NCAPG: variants seen among roughly 807,000 people sequenced by gnomAD.
NCAPG encodes condensin complex subunit 3.
A neutral mutation model predicts 113.1 loss-of-function variants in NCAPG; 69 were observed. The ratio of observed to expected loss-of-function variants is 0.61; its 90% CI spans 0.50 to 0.75. The LOEUF (loss-of-function observed/expected upper bound fraction) is 0.75, where lower values mean the gene tolerates loss of function less well. Ranked by LOEUF, NCAPG falls within the 30% of genes least tolerant of loss-of-function variation. NCAPG has a pLI of 0.00. For missense variants in NCAPG, 1,058 were observed against 1,177.0 expected (o/e 0.90, Z 1.48); for synonymous variants, 370 against 415.8 (o/e 0.89, Z 1.34).
chr4:17,826,328 C>T (rs888055727), intron 11 of NCAPG, among the ~76,000 whole-genome samples: 1 of 152,004 alleles, frequency 6.6e-6, no homozygotes, highest in Non-Finnish European at 1.5e-5. Flanking sequence ...TGATTATTCT[C>T]ATAAAAAGAA....
chr4:17,813,469 T>TAA (rs1380633452), intron 3 of NCAPG: 3 of 172,660 alleles, frequency 1.7e-5, no homozygotes, highest in Non-Finnish European at 3.7e-5. Context: ...TCATTTTGTG[T>TAA]AAATCATGCT....
At chr4:17,815,480 A>G in intron 5 of NCAPG, 122 bp downstream of exon 5, 1 of 649,936 alleles carries the variant, frequency 1.5e-6, no homozygotes, top group Non-Finnish European at 2.6e-6. Context: ...AACCTGGTGA[A>G]ATTTATCTTG....
chr4:17,823,842 T>C (rs552356307), intron 9 of NCAPG, 72 bp downstream of exon 9: 2 of 1,304,526 alleles, frequency 1.5e-6, no homozygotes, highest in East Asian at 2.4e-5. Context: ...ATTTTCTGTT[T>C]AGAACTTTTT....
chr4:17,842,289 A>G, intron 19 of NCAPG, 21 bp from the exon 20 acceptor site: 1 of 1,605,916 alleles, frequency 6.2e-7, no homozygotes, highest in Non-Finnish European at 8.5e-7. Context: ...AATCCTGATA[A>G]TGAATTATAC....
At chr4:17,825,922 G>A (rs937388648) in intron 11 of NCAPG, among the ~76,000 whole-genome samples, 2 of 151,982 alleles carry the variant, frequency 1.3e-5, no homozygotes, top group African/African-American at 4.8e-5. Context: ...ATTTGTGGAG[G>A]ATCAATGACC....
chr4:17,837,279 G>C lies in NCAPG; in HGVS notation c.2230G>C (p.Glu744Gln). ...ILLWYNPVTEEDVQLRHCLGV... is the reference protein window; with the variant it reads ...ILLWYNPVTEQDVQLRHCLGV... ...GTTATGGTACAATCCTGTGACTGAA[G>C]AGGATGTTCAACTTCGACATTGCCT... Residue 744 changes from glutamate to glutamine, a missense_variant, in exon 15 of 21, where the codon GAG (glutamate) becomes CAG (glutamine). Coordinates refer to ENST00000251496, the MANE Select transcript of NCAPG (RefSeq NM_022346.5). The C allele has an allele frequency of 6.2e-7, 1 of 1,613,998 alleles. No homozygotes were observed. Among genetic ancestry groups the C allele is most frequent in the South Asian group, 1.1e-5 (1 of 91,072 alleles).
chr4:17,840,710 C>CCAT lies in NCAPG; in HGVS notation c.2854+19_2854+21dup, dbSNP rs1315232168. 1.4e-6 allele frequency: 2 copies of CCAT among 1,435,460 alleles called. No individual in the cohort carries two copies. Among genetic ancestry groups the CCAT allele is most frequent in the East Asian group, 2.5e-5 (1 of 39,262 alleles). The allele number at this position is 1,435,460 out of a possible 1,614,324, so 88.9% of individuals were successfully genotyped here. ...CTAACAGAGGTAGTGTGTGGATTGACCATCTTTATGATAAAAGTTTTAAAT... is the reference window on the plus strand; with the variant it reads ...CTAACAGAGGTAGTGTGTGGATTGACCATCATCTTTATGATAAAAGTTTTAAAT... On this transcript the variant is annotated intron_variant, in intron 19 of 20. Coordinates refer to ENST00000251496, the MANE Select transcript of NCAPG (RefSeq NM_022346.5).
At chr4:17,813,297 C>T (rs1238966119) in intron 3 of NCAPG, 152 bp downstream of exon 3, 3 of 555,472 alleles carry the variant, frequency 5.4e-6, no homozygotes, top group Non-Finnish European at 8.9e-6. Context: ...TAGCAACCAC[C>T]CAGCTTAAAA....
At chr4:17,828,464 C>G (rs1003371547) in intron 12 of NCAPG, 76 bp downstream of exon 12, 5 of 744,928 alleles carry the variant, frequency 6.7e-6, no homozygotes, top group Admixed American at 2.7e-5. Context: ...CTTTAGAAAT[C>G]AAAATAATGA....
Position 17,814,097 on chromosome 4 carries a change from C to T in NCAPG, c.545-756C>T, listed in dbSNP as rs186071782. Among the ~76,000 whole-genome samples, 211 of 152,104 alleles carry T rather than the reference C, an allele frequency of 1.4e-3. 2 individuals carry two copies. The highest frequency in any genetic ancestry group is 4.9e-3 in the African/African-American group (205 of 41,494). ...AATGAATAAAACCAAAAAATATTTC[C>T]TTTTAGGTCTCATTAAAAACCAAAA... is the stretch of plus-strand genomic sequence containing the variant. On this transcript the variant is annotated intron_variant, in intron 3 of 20. Coordinates refer to ENST00000251496, the MANE Select transcript of NCAPG (RefSeq NM_022346.5).
In NCAPG at chr4:17,833,182, C is replaced by T. The variant is rs371272191; in HGVS notation, c.1885-1117C>T. ...ATCAGGAGTTTGAGACCAGGTTGACCAATGTGGTGAAACCCCCATCTCTAC... is the reference window on the plus strand; with the variant it reads ...ATCAGGAGTTTGAGACCAGGTTGACTAATGTGGTGAAACCCCCATCTCTAC... On this transcript the variant is annotated intron_variant, in intron 13 of 20. Transcript: ENST00000251496. Among the ~76,000 whole-genome samples, 28 of 151,982 alleles carry T rather than the reference C, an allele frequency of 1.8e-4. No individual in the cohort carries two copies. In the South Asian group the frequency reaches 5.8e-3, roughly 32 times the overall value.
intron 12 of NCAPG, among the ~76,000 whole-genome samples, chr4:17,829,253 C>T (rs914399386): frequency 1.3e-5 from 2 of 152,166 alleles, no homozygotes; most frequent in African/African-American, 4.8e-5. Context: ...CAGGTTCTTA[C>T]AGAAGTCTCT....
chr4:17,816,905 C>G (rs1292667632), intron 5 of NCAPG, among the ~76,000 whole-genome samples: 3 of 152,084 alleles, frequency 2.0e-5, no homozygotes, highest in Non-Finnish European at 4.4e-5. Context: ...GAGGCCGAGG[C>G]AGGCGGATCA....
At chr4:17,824,157 T>C (rs992697737) in intron 9 of NCAPG, among the ~76,000 whole-genome samples, 4 of 152,186 alleles carry the variant, frequency 2.6e-5, no homozygotes, top group African/African-American at 9.6e-5. Flanking sequence ...GTTATTCTGC[T>C]GTTTTACTTG....
At chr4:17,839,261 T>C (rs1722229893) in intron 16 of NCAPG, among the ~76,000 whole-genome samples, 1 of 152,154 alleles carries the variant, frequency 6.6e-6, no homozygotes, top group Non-Finnish European at 1.5e-5. Context: ...CTTTGAGTTG[T>C]CCAGAATGGA....
intron 5 of NCAPG, 49 bp from the exon 6 acceptor site, chr4:17,817,212 G>A: frequency 7.4e-7 from 1 of 1,347,956 alleles, no homozygotes; most frequent in South Asian, 1.3e-5. Flanking sequence ...TACAAGAGAT[G>A]GAAGCTAGAG....
rs1368358954 is a variant in NCAPG, at chr4:17,811,736, G to T, written c.112-485G>T. ...TTTGTTTTGAGTGGAACCTTGAGAAGAATAGAACAATTAATTTGGGGAAGA... is the reference window on the plus strand; with the variant it reads ...TTTGTTTTGAGTGGAACCTTGAGAATAATAGAACAATTAATTTGGGGAAGA... On this transcript the variant is annotated intron_variant, in intron 1 of 20. Transcript: ENST00000251496. This position sits in a 1 kb window ranked among gnomAD's most constrained non-coding sequence, Gnocchi z 5.3. Among the ~76,000 whole-genome samples, 2 of 152,184 alleles carry T rather than the reference G, an allele frequency of 1.3e-5. No homozygotes were observed. Among genetic ancestry groups the T allele is most frequent in the African/African-American group, 2.4e-5 (1 of 41,440 alleles).
intron 20 of NCAPG, chr4:17,842,659 C>T (rs1722528700): frequency 6.7e-6 from 2 of 299,970 alleles, no homozygotes; most frequent in East Asian, 6.9e-5. Flanking sequence ...CTTTGATCTT[C>T]AGTTAGCAAA....
At chr4:17,839,412 A>G (rs2109066167) in intron 16 of NCAPG, among the ~76,000 whole-genome samples, 1 of 152,196 alleles carries the variant, frequency 6.6e-6, no homozygotes, top group Admixed American at 6.5e-5. Context: ...GGGAACTTTT[A>G]CCCTCCAAAA....
Sources: allele counts gnomAD v4.1 joint callset (sites outside exome capture counted in the v4.1 genomes callset), GRCh38; gene constraint gnomAD v4.1.1; non-coding constraint Gnocchi (gnomAD v3.1); transcripts MANE v1.5; gene names NCBI Gene and HGNC (gene_info 2026-07-23, HGNC 2026-07-21).